Variants in FNDC1 observed in about 807,000 individuals in gnomAD.
FNDC1 encodes fibronectin type III domain containing 1, also known as fibronectin type III domain-containing protein 1.
A neutral mutation model predicts 168.0 loss-of-function variants in FNDC1; 96 were observed. That is an observed-to-expected ratio of 0.57 (90% CI 0.48 to 0.68). The LOEUF is 0.68. Among genes scored for constraint, FNDC1 ranks in the 30% least tolerant of loss-of-function variants. The probability of loss-of-function intolerance (pLI) is 0.00; values close to 1 mark genes in which losing one functional copy is unlikely to be tolerated. For missense variants in FNDC1, 2,587 were observed against 2,482.1 expected (o/e 1.04, Z -0.90); for synonymous variants, 1,099 against 1,025.9 (o/e 1.07, Z -1.36).
At chr6:159,189,096 C>A (rs796188925) in intron 1 of FNDC1, among the ~76,000 whole-genome samples, 3 of 152,224 alleles carry the variant, frequency 2.0e-5, no homozygotes, top group Admixed American at 6.5e-5. Context: ...TGTTCTAGCC[C>A]ATCGGGGTCT....
In FNDC1 at chr6:159,232,132, C is replaced by T; in HGVS notation, c.1620C>T (p.Ile540=). 2.5e-6 allele frequency: 4 copies of T among 1,613,992 alleles called. No homozygotes were observed. Among genetic ancestry groups the T allele is most frequent in the Non-Finnish European group, 3.4e-6 (4 of 1,179,894 alleles). Residue 540 remains isoleucine (I), a synonymous_variant, in exon 11 of 23, where the codon ATC becomes ATT. Transcript: ENST00000297267. This position sits in a 1 kb window ranked among gnomAD's most constrained non-coding sequence, Gnocchi z 4.9. ...AEELDLQSTE[I]TGEEELGSRE... ...AGCTGGATCTTCAGTCGACAGAAAT[C>T]ACTGGGGAGGAGGAGCTGGGTTCCC...
Position 159,232,626 on chromosome 6 carries a change from C to T in FNDC1, c.2114C>T (p.Ala705Val), listed in dbSNP as rs1481748055. ...GCCCGGAGGACCCCCCATTCAGGGG[C>T]CGCAGAGGAAGATTCCAGTGCCTCA... is the stretch of plus-strand genomic sequence containing the variant. Reference protein sequence around the residue: ...SPARRTPHSGAAEEDSSASAP... With the variant: ...SPARRTPHSGVAEEDSSASAP... The change falls in exon 11 of 23, where the codon GCC (alanine) becomes GTC (valine). Residue 705 changes from alanine to valine, a missense_variant. Coordinates refer to ENST00000297267, the MANE Select transcript of FNDC1 (RefSeq NM_032532.3). The surrounding 1 kb of genome is among the most constrained non-coding windows in gnomAD (Gnocchi z 4.9). 4 of 1,610,610 alleles carry T rather than the reference C, an allele frequency of 2.5e-6. No homozygotes were observed. The South Asian group carries it at 3.3e-5, about 13-fold the overall frequency.
chr6:159,230,140 T>TA, intron 10 of FNDC1, 137 bp downstream of exon 10: 1 of 689,796 alleles, frequency 1.4e-6, no homozygotes, highest in Non-Finnish European at 2.2e-6. Context: ...TATTGATTTT[T>TA]AAAATATTTT....
chr6:159,253,954 T>C (rs184653730), intron 17 of FNDC1, among the ~76,000 whole-genome samples: 22 of 152,340 alleles, frequency 1.4e-4, no homozygotes, highest in Admixed American at 1.4e-3. Flanking sequence ...TGGAAGCATA[T>C]GCAGGGCTTG....
At chr6:159,257,281 C>T (rs74822078) in intron 18 of FNDC1, among the ~76,000 whole-genome samples, 1 of 152,210 alleles carries the variant, frequency 6.6e-6, no homozygotes. Context: ...CATGGGAAAG[C>T]ACCAAGCACT....
intron 1 of FNDC1, among the ~76,000 whole-genome samples, chr6:159,180,792 TC>T (rs1457055706): frequency 6.6e-6 from 1 of 152,102 alleles, no homozygotes; most frequent in Non-Finnish European, 1.5e-5. Context: ...ATTATCCAAG[TC>T]CCTGTAAAGG....
At chr6:159,173,282 C>T (rs1449043345) in intron 1 of FNDC1, among the ~76,000 whole-genome samples, 2 of 37,880 alleles carry the variant, frequency 5.3e-5, no homozygotes, top group South Asian at 1.0e-3. Flanking sequence ...CTAGTCTCCG[C>T]GCTTCAGAAT....
intron 4 of FNDC1, among the ~76,000 whole-genome samples, chr6:159,203,841 G>A (rs1013422606): frequency 1.3e-5 from 2 of 152,132 alleles, no homozygotes; most frequent in South Asian, 2.1e-4. Context: ...TCTGCTACCC[G>A]CCAGCCTAGG....
chr6:159,260,140 T>C (rs1392859279), intron 18 of FNDC1, among the ~76,000 whole-genome samples: 1 of 152,194 alleles, frequency 6.6e-6, no homozygotes, highest in Admixed American at 6.5e-5. Context: ...AGATAAGAGG[T>C]CCCTTATGAG....
At chr6:159,215,471 T>C (rs1189301315) in intron 5 of FNDC1, among the ~76,000 whole-genome samples, 1 of 152,246 alleles carries the variant, frequency 6.6e-6, no homozygotes, top group Non-Finnish European at 1.5e-5. Flanking sequence ...GTTTTTGTCA[T>C]TTTGTTCTTT....
intron 1 of FNDC1, among the ~76,000 whole-genome samples, chr6:159,191,035 C>T (rs971640349): frequency 5.3e-5 from 8 of 152,052 alleles, no homozygotes; most frequent in East Asian, 1.9e-4. Context: ...ACAAGCTTGG[C>T]GGAAAGCAAA....
chr6:159,177,915 G>A (rs1393368740), intron 1 of FNDC1, among the ~76,000 whole-genome samples: 2 of 152,086 alleles, frequency 1.3e-5, no homozygotes, highest in Non-Finnish European at 2.9e-5. Context: ...TTCACCCTAG[G>A]CTTAAATGCT....
Position 159,238,678 on chromosome 6 carries a change from G to A in FNDC1, c.4180+13G>A. 6.5e-7 allele frequency: 1 copy of A among 1,526,898 alleles called. No individual in the cohort carries two copies. The highest frequency in any genetic ancestry group is 8.9e-7 in the Non-Finnish European group (1 of 1,117,366). The allele number at this position is 1,526,898 out of a possible 1,614,324, so 94.6% of individuals were successfully genotyped here. On this transcript the variant is annotated intron_variant, in intron 13 of 22. Transcript: ENST00000297267. ...CGAACCATTGTAGGTAAGGGAGAATGGTTTTTAAAGAATAAAAGCCTACTG... is the reference window on the plus strand; with the variant it reads ...CGAACCATTGTAGGTAAGGGAGAATAGTTTTTAAAGAATAAAAGCCTACTG...
At position 159,231,927 on chromosome 6, in the gene FNDC1, C is replaced by T; in HGVS notation, c.1415C>T (p.Pro472Leu). The change falls in exon 11 of 23, where the codon CCC becomes CTC. Residue 472 changes from proline to leucine, a missense_variant. Coordinates refer to ENST00000297267, the MANE Select transcript of FNDC1 (RefSeq NM_032532.3). Reference sequence around the variant, plus strand: ...CAGAACACGGAGGACAATGGGAAACCCGAAAAACCTGAGCCTTCCTCACCT... The same window carrying T: ...CAGAACACGGAGGACAATGGGAAACTCGAAAAACCTGAGCCTTCCTCACCT... ...VEQNTEDNGKPEKPEPSSPSP... is the reference protein window; with the variant it reads ...VEQNTEDNGKLEKPEPSSPSP... 1.2e-6 allele frequency: 2 copies of T among 1,613,020 alleles called. No homozygotes were observed. Among genetic ancestry groups the T allele is most frequent in the African/African-American group, 1.3e-5 (1 of 74,968 alleles).
At chr6:159,236,175 T>G (rs371459396) in intron 11 of FNDC1, 40 bp from the exon 12 acceptor site, 7 of 1,474,052 alleles carry the variant, frequency 4.7e-6, no homozygotes, top group Non-Finnish European at 6.6e-6. Flanking sequence ...GCATGTTGAA[T>G]TTACCAGGCT....
At chr6:159,200,466 C>T (rs934428847) in intron 3 of FNDC1, 47 bp from the exon 4 acceptor site, 1 of 1,440,618 alleles carries the variant, frequency 6.9e-7, no homozygotes, top group Non-Finnish European at 9.6e-7. Context: ...TGTGGAAAAC[C>T]CAACAGTCCT....
At chr6:159,172,379 T>C (rs984794553) in intron 1 of FNDC1, among the ~76,000 whole-genome samples, 1 of 152,232 alleles carries the variant, frequency 6.6e-6, no homozygotes, top group Non-Finnish European at 1.5e-5. Flanking sequence ...CAAAGGGAAC[T>C]TGCTACTTCT....
chr6:159,264,921 T>G, intron 19 of FNDC1, 54 bp from the exon 20 acceptor site: 1 of 1,484,398 alleles, frequency 6.7e-7, no homozygotes, highest in South Asian at 1.2e-5. Flanking sequence ...ATTTAAAGAA[T>G]TGCATGATTG....
At chr6:159,225,465 A>G (rs748525555) in intron 7 of FNDC1, 70 bp from the exon 8 acceptor site, 95 of 1,299,682 alleles carry the variant, frequency 7.3e-5, no homozygotes, top group Non-Finnish European at 9.8e-5. Flanking sequence ...TGAGGAAGGA[A>G]AAACAGCGAG....
Sources: allele counts gnomAD v4.1 joint callset (sites outside exome capture counted in the v4.1 genomes callset), GRCh38; gene constraint gnomAD v4.1.1; non-coding constraint Gnocchi (gnomAD v3.1); transcripts MANE v1.5; gene names NCBI Gene and HGNC (gene_info 2026-07-23, HGNC 2026-07-21).